TTN: variants seen among roughly 807,000 people sequenced by gnomAD.
TTN encodes the protein connectin.
A neutral mutation model predicts 3,223.0 loss-of-function variants in TTN; 1,525 were observed. The ratio of observed to expected loss-of-function variants is 0.47; its 90% CI spans 0.45 to 0.49. The LOEUF (loss-of-function observed/expected upper bound fraction) is 0.49. Among genes scored for constraint, TTN ranks in the 20% least tolerant of loss-of-function variants. The probability of loss-of-function intolerance (pLI) is 0.00; values close to 1 mark genes in which losing one functional copy is unlikely to be tolerated. For missense variants in TTN, 40,786 were observed against 43,424.0 expected, an observed-to-expected ratio of 0.94 and a Z score of 5.40; for synonymous variants, 14,094 against 15,161.0, an observed-to-expected ratio of 0.93 and a Z score of 5.17.
intron 283 of TTN, 39 bp downstream of exon 283, chr2:178,602,243 A>ATTCC (rs752523118): frequency 6.2e-7 from 1 of 1,600,598 alleles, no homozygotes; most frequent in South Asian, 1.1e-5. Context: ...TCATAATAAG[A>ATTCC]TCAAAAGAGG....
chr2:178,586,965 A>C, intron 307 of TTN, 153 bp downstream of exon 307: 1 of 1,363,582 alleles, frequency 7.3e-7, no homozygotes, highest in Admixed American at 2.2e-5. Context: ...ACAGATCAAA[A>C]AAGTGTTTCA....
At chr2:178,637,493 G>A in intron 223 of TTN, 74 bp from the exon 224 acceptor site, 3 of 860,218 alleles carry the variant, frequency 3.5e-6, no homozygotes, top group Non-Finnish European at 4.9e-6. Flanking sequence ...ACCATGGAGG[G>A]TGAGTCATGC....
rs772649206 is a variant in TTN, at chr2:178,732,259, G to C, written c.16710C>G (p.Thr5570=). The C allele has an allele frequency of 6.2e-7, 1 of 1,613,704 alleles. No homozygotes were observed. Among genetic ancestry groups the C allele is most frequent in the Non-Finnish European group, 8.5e-7 (1 of 1,179,768 alleles). ...CAAACCATGTTATTTTAATTGGAGG[G>C]GTACCAGTTACTTTGCAGGCTAGCT... is the stretch of plus-strand genomic sequence containing the variant. ...ATQLACKVTG[T]PPIKITWFAN... The change falls in exon 57 of 363, where the codon ACC becomes ACG. Residue 5570 remains threonine, a synonymous_variant. Transcript: ENST00000589042.
chr2:178,618,213 G>A lies in TTN; in HGVS notation c.47245C>T (p.Pro15749Ser). 6.2e-7 allele frequency: 1 copy of A among 1,612,648 alleles called. No individual in the cohort carries two copies. Residue 15749 changes from proline (P) to serine (S), a missense_variant, in exon 252 of 363, where the codon CCT becomes TCT. Pro to Ser is a moderately conservative substitution (Grantham distance 74). Transcript: ENST00000589042. ...GTGEPVETDN[P>S]VEARSKYDVP... is the part of the protein sequence containing the mutation. ...CCATATTTACTCCTTGCTTCTACAG[G>A]ATTGTCAGTTTCTACTGGCTCACCA...
intron 42 of TTN, 24 bp downstream of exon 42, chr2:178,764,503 C>A (rs1424899635): frequency 6.2e-7 from 1 of 1,613,738 alleles, no homozygotes; most frequent in South Asian, 1.1e-5. Context: ...TTATTTTCAG[C>A]TGGAAGTAGC....
chr2:178,796,320 T>C (rs1027521610), intron 6 of TTN, among the ~76,000 whole-genome samples: 1 of 152,216 alleles, frequency 6.6e-6, no homozygotes, highest in African/African-American at 2.4e-5. Flanking sequence ...AAAATGTTTA[T>C]AAATGCATCT....
rs2048282152 is a variant in TTN at position 178,583,647 on chromosome 2, A to T, written c.65535T>A (p.Pro21845=). Residue 21845 remains proline (P), a synonymous_variant, in exon 312 of 363, where the codon CCT becomes CCA. Transcript: ENST00000589042. ...TAGTCACTGGATCAGAAGGTTCAGA[A>T]GGTGGGCTAATGTTTACCGCGGTCC... is the stretch of plus-strand genomic sequence containing the variant. ...IARTAVNISP[P]SEPSDPVTIL... 6.2e-7 allele frequency: 1 copy of T among 1,611,552 alleles called. No homozygotes were observed.
At chr2:178,637,300 C>T (rs1374968919) in intron 224 of TTN, 69 bp downstream of exon 224, 4 of 1,166,584 alleles carry the variant, frequency 3.4e-6, no homozygotes, top group African/African-American at 3.3e-5. Context: ...ATTTTTTTCC[C>T]CTTGAATATG....
At chr2:178,652,569 T>C in intron 201 of TTN, 28 bp from the exon 202 acceptor site, 3 of 1,612,684 alleles carry the variant, frequency 1.9e-6, no homozygotes, top group Non-Finnish European at 2.5e-6. Flanking sequence ...AAATTACATT[T>C]AGAAGTTATG....
At chr2:178,681,600 G>T in intron 136 of TTN, 61 bp downstream of exon 136, 1 of 1,524,738 alleles carries the variant, frequency 6.6e-7, no homozygotes, top group Non-Finnish European at 9.0e-7. Context: ...TATTTTTATA[G>T]TAGGACAGAC....
chr2:178,799,266 A>T, intron 6 of TTN: 1 of 634,946 alleles, frequency 1.6e-6, no homozygotes, highest in South Asian at 1.9e-5. Flanking sequence ...AACCCCTGAG[A>T]CCCTAGTAGG....
rs2068426010 is a variant in TTN at position 178,677,745 on chromosome 2, C to T, written c.34167G>A (p.Glu11389=). Residue 11389 remains glutamate (E), a synonymous_variant, in exon 146 of 363, where the codon GAG becomes GAA. Transcript: ENST00000589042. ...PEEEEVLPEE[E]EIPPEEEEVP... is the part of the protein sequence containing the mutation. ...CTTCCTCTTCCTCAGGTGGAATTTCCTCTTCTTCAGGTAGAACTTCCTCTT... is the reference window on the plus strand; with the variant it reads ...CTTCCTCTTCCTCAGGTGGAATTTCTTCTTCTTCAGGTAGAACTTCCTCTT... 1 of 1,608,532 alleles carries T rather than the reference C, an allele frequency of 6.2e-7. No individual in the cohort carries two copies. The highest frequency in any genetic ancestry group is 1.3e-5 in the African/African-American group (1 of 74,694).
intron 278 of TTN, among the ~76,000 whole-genome samples, chr2:178,606,391 G>T (rs1483353503): frequency 1.3e-5 from 2 of 151,838 alleles, no homozygotes; most frequent in African/African-American, 4.8e-5. Context: ...TTTTCAGGGG[G>T]TGATGGTGAA....
Position 178,669,444 on chromosome 2 carries a change from G to A in TTN, c.35474C>T (p.Pro11825Leu), listed in dbSNP as rs1297876012. The A allele has an allele frequency of 1.3e-6, 2 of 1,537,196 alleles. No homozygotes were observed. The highest frequency in any genetic ancestry group is 2.8e-5 in the African/African-American group (2 of 71,550). Reference protein sequence around the residue: ...KKPEVPPAKVPGMPKKSVQEE... With the variant: ...KKPEVPPAKVLGMPKKSVQEE... The stretch of plus-strand genomic sequence containing the variant: ...TTGAACACTTTTCTTAGGCATCCCA[G>A]GAACTTTAAAGATATTAGTATATTA... The change falls in exon 159 of 363, where the codon CCT becomes CTT. Residue 11825 changes from proline to leucine, a missense_variant. Coordinates refer to ENST00000589042, the MANE Select transcript of TTN (RefSeq NM_001267550.2).
chr2:178,533,878 C>T lies in TTN; in HGVS notation c.102737G>A (p.Arg34246His), dbSNP rs372716177. ...YCRRTMKKIK[R>H]RTDTMRLLER... is the part of the protein sequence containing the mutation. ...CAGGAGTCTCATTGTGTCTGTTCTG[C>T]GCTTAATTTTCTTCATGGTTCTACG... The change falls in exon 358 of 363, where the codon CGC becomes CAC. Residue 34246 changes from arginine to histidine, a missense_variant. Transcript: ENST00000589042. The T allele has an allele frequency of 3.9e-4, 627 of 1,613,816 alleles. 5 individuals are homozygous for T. In the South Asian group the frequency reaches 4.8e-3, roughly 12 times the overall value.
chr2:178,784,117 T>C lies in TTN; in HGVS notation c.2728A>G (p.Thr910Ala). ...KEVGVSITGT[T>A]VREERFEVLH... Reference sequence around the variant, plus strand: ...ACTTCAAAGCGCTCTTCACGGACGGTGGTGCCAGTGATGCTCACCCCTACT... The same window carrying C: ...ACTTCAAAGCGCTCTTCACGGACGGCGGTGCCAGTGATGCTCACCCCTACT... Residue 910 changes from threonine to alanine, a missense_variant, in exon 16 of 363, where the codon ACC (threonine) becomes GCC (alanine). Coordinates refer to ENST00000589042, the MANE Select transcript of TTN (RefSeq NM_001267550.2). The C allele has an allele frequency of 6.2e-7, 1 of 1,613,982 alleles. No individual in the cohort carries two copies. The highest frequency in any genetic ancestry group is 8.5e-7 in the Non-Finnish European group (1 of 1,179,990).
rs2093373906 is a variant in TTN, at chr2:178,789,464, T to C, written c.1972A>G (p.Thr658Ala). 3.7e-6 allele frequency: 6 copies of C among 1,613,396 alleles called. No individual in the cohort carries two copies. Among genetic ancestry groups the C allele is most frequent in the African/African-American group, 1.3e-5 (1 of 74,912 alleles). ...RKEAEKTALSTIAVATAKAKE... is the reference protein window; with the variant it reads ...RKEAEKTALSAIAVATAKAKE... The stretch of plus-strand genomic sequence containing the variant: ...GCTTTAGCAGTAGCAACTGCTATTG[T>C]AGACAAGGCAGTTTTCTCGGCTTCC... The change falls in exon 13 of 363, where the codon ACA becomes GCA. Residue 658 changes from threonine (T) to alanine (A), a missense_variant. Coordinates refer to ENST00000589042, the MANE Select transcript of TTN (RefSeq NM_001267550.2).
At chr2:178,774,824 T>C (rs1305832472) in intron 29 of TTN, 97 bp downstream of exon 29, 2 of 1,393,986 alleles carry the variant, frequency 1.4e-6, no homozygotes, top group Admixed American at 3.8e-5. Flanking sequence ...TTCCAAATAA[T>C]TGTTTCATGA....
chr2:178,779,468 C>T lies in TTN; in HGVS notation c.3730-6G>A. 6.8e-7 allele frequency: 1 copy of T among 1,465,662 alleles called. No homozygotes were observed. The highest frequency in any genetic ancestry group is 9.5e-7 in the Non-Finnish European group (1 of 1,051,730). 90.8% of individuals were successfully genotyped at this position (1,465,662 alleles called of 1,614,324 possible). A position where few individuals can be genotyped will look rare whatever the true frequency, so the allele number is the denominator to read the frequency against. ...AAGGAAGAAATATGGAATTCCTATG[C>T]AAAAAGATTATGGTCTGTTAAAAAT... On this transcript the variant is annotated splice_polypyrimidine_tract_variant and splice_region_variant and intron_variant, in intron 22 of 362. Transcript: ENST00000589042.
Sources: allele counts gnomAD v4.1 joint callset (sites outside exome capture counted in the v4.1 genomes callset), GRCh38; gene constraint gnomAD v4.1.1; transcripts MANE v1.5; gene names NCBI Gene and HGNC (gene_info 2026-07-23, HGNC 2026-07-21).